Variants in MTMR9 observed in about 807,000 individuals in gnomAD.
MTMR9 encodes the protein myotubularin related protein 9.
A neutral mutation model predicts 69.5 loss-of-function variants in MTMR9; 39 were observed. That is an observed-to-expected ratio of 0.56 (90% confidence interval 0.43 to 0.73). The LOEUF (loss-of-function observed/expected upper bound fraction) is 0.73, where lower values mean the gene tolerates loss of function less well. Ranked by LOEUF, MTMR9 falls within the 30% of genes least tolerant of loss-of-function variation. The pLI is 0.00. For missense variants in MTMR9, 900 were observed against 671.2 expected (o/e 1.34, Z -3.77); for synonymous variants, 354 against 240.8 (o/e 1.47, Z -4.35).
At position 11,284,847 on chromosome 8, in the gene MTMR9, C is replaced by T; in HGVS notation, c.-42C>T. 4 of 1,551,462 alleles carry T rather than the reference C, an allele frequency of 2.6e-6. No individual in the cohort carries two copies. Among genetic ancestry groups the T allele is most frequent in the Non-Finnish European group, 2.6e-6 (3 of 1,146,354 alleles). On this transcript the variant is annotated 5_prime_UTR_variant, in exon 1 of 10. Transcript: ENST00000221086. ...TCCCTGCGGCGGGGTAACCGCCTCG[C>T]ACCTACCGGGCTCGGTTCCCTGGCT...
the MTMR9 span, among the ~76,000 whole-genome samples, chr8:11,335,509 C>G: frequency 6.6e-6 from 1 of 152,156 alleles, no homozygotes; most frequent in Admixed American, 6.5e-5. Flanking sequence ...GATCTAGATT[C>G]CATGCAATCT....
intron 9 of MTMR9, chr8:11,321,337 C>T (rs188965789): frequency 5.1e-5 from 23 of 449,486 alleles, no homozygotes; most frequent in East Asian, 3.5e-4. Flanking sequence ...ATCTCTTAAA[C>T]GAGAGGTTAC....
chr8:11,330,219 G>A (rs1188734265), downstream of MTMR9, among the ~76,000 whole-genome samples: 1 of 151,200 alleles, frequency 6.6e-6, no homozygotes, highest in Non-Finnish European at 1.5e-5. Context: ...CCGCGGCCTG[G>A]CCAGCCGCCC....
intron 2 of MTMR9, 139 bp from the exon 3 acceptor site, chr8:11,299,884 G>C (rs1799691437): frequency 7.0e-6 from 7 of 997,964 alleles, no homozygotes; most frequent in Non-Finnish European, 1.0e-5. Flanking sequence ...ATTGTATCTG[G>C]TGATAAACAC....
downstream of MTMR9, chr8:11,331,910 A>C (rs559115812): frequency 1.2e-6 from 2 of 1,611,798 alleles, no homozygotes; most frequent in Non-Finnish European, 1.7e-6. Context: ...TCTCCTTCAC[A>C]TGTGTGGGCT....
intron 2 of MTMR9, chr8:11,297,959 G>C (rs1799617923): frequency 4.4e-6 from 2 of 456,080 alleles, no homozygotes; most frequent in South Asian, 3.1e-5. Flanking sequence ...TTTGTGAGTA[G>C]TAATTGAATT....
chr8:11,298,425 A>G (rs867985546), intron 2 of MTMR9, among the ~76,000 whole-genome samples: 7 of 152,242 alleles, frequency 4.6e-5, no homozygotes, highest in South Asian at 2.1e-4. Context: ...TTATACAGCC[A>G]TGCTTCTCTA....
At chr8:11,319,989 C>G (rs1800605900) in intron 9 of MTMR9, 151 bp downstream of exon 9, 1 of 643,140 alleles carries the variant, frequency 1.6e-6, no homozygotes, top group Non-Finnish European at 2.4e-6. Context: ...GCATGTTTTT[C>G]TCTTTCAAAT....
chr8:11,297,824 T>G (rs114297183), intron 2 of MTMR9: 544 of 455,244 alleles, frequency 1.2e-3, no homozygotes, highest in African/African-American at 0.01. Flanking sequence ...CCTCAGAAAA[T>G]GAATGCTCTG....
intron 9 of MTMR9, among the ~76,000 whole-genome samples, chr8:11,322,423 C>T (rs548327481): frequency 6.6e-6 from 1 of 152,260 alleles, no homozygotes; most frequent in East Asian, 1.9e-4. Context: ...GTAGTGACTT[C>T]TCAAATATTG....
Position 11,297,643 on chromosome 8 carries a change from C to G in MTMR9, c.291+2341C>G, listed in dbSNP as rs372803121. Among the ~76,000 whole-genome samples the G allele has an allele frequency of 9.9e-5, 15 of 151,832 alleles. 1 individual carries two copies. The East Asian group carries it at 1.9e-3, about 20-fold the overall frequency. ...GACTGGCTGGTTGGTGTCAGAGATG[C>G]TGCCTGTGGTGAGGCACAGTGGTGA... is the stretch of plus-strand genomic sequence containing the variant. On this transcript the variant is annotated intron_variant, in intron 2 of 9. Transcript: ENST00000221086.
At chr8:11,286,379 AGTGGGCCCGGCACG>A in intron 1 of MTMR9, among the ~76,000 whole-genome samples, 1 of 151,630 alleles carries the variant, frequency 6.6e-6, no homozygotes, top group South Asian at 2.1e-4. Context: ...TAAAGTCTTC[AGTGGGCCCGGCACG>A]GTGGCTCACG....
chr8:11,335,147 G>A, the MTMR9 span, among the ~76,000 whole-genome samples: 9 of 152,190 alleles, frequency 5.9e-5, no homozygotes, highest in Non-Finnish European at 1.2e-4. Context: ...GTTCACAGAT[G>A]ATATGATTTT....
At chr8:11,311,365 T>A (rs1800190596) in intron 6 of MTMR9, among the ~76,000 whole-genome samples, 1 of 152,218 alleles carries the variant, frequency 6.6e-6, no homozygotes, top group Non-Finnish European at 1.5e-5. Flanking sequence ...TTGCAGTTCA[T>A]CACTTAATAG....
chr8:11,308,634 T>C (rs967303277), intron 5 of MTMR9, among the ~76,000 whole-genome samples: 1 of 152,232 alleles, frequency 6.6e-6, no homozygotes, highest in African/African-American at 2.4e-5. Flanking sequence ...TTTGTTAATG[T>C]GTAATTGTTC....
intron 1 of MTMR9, among the ~76,000 whole-genome samples, chr8:11,290,982 T>C (rs1359675179): frequency 6.6e-6 from 1 of 151,408 alleles, no homozygotes; most frequent in Non-Finnish European, 1.5e-5. Flanking sequence ...AATTGAAGAC[T>C]CAAAGGCAGT....
intron 5 of MTMR9, among the ~76,000 whole-genome samples, chr8:11,308,163 T>C (rs893377709): frequency 2.6e-5 from 4 of 152,230 alleles, no homozygotes; most frequent in Non-Finnish European, 5.9e-5. Flanking sequence ...CTAATGATTT[T>C]TACAGTTTCA....
At position 11,316,797 on chromosome 8, in the gene MTMR9, G is replaced by T. The variant is rs149021500; in HGVS notation, c.1238G>T (p.Cys413Phe). The T allele has an allele frequency of 3.1e-6, 5 of 1,613,716 alleles. No homozygotes were observed. The highest frequency in any genetic ancestry group is 4.2e-6 in the Non-Finnish European group (5 of 1,179,952). ...CVWQILRQFP[C>F]SFEFNENFLI... ...TGGCAGATCCTTCGTCAGTTTCCCT[G>T]TTCTTTTGAGTTTAATGAGAATTTC... The change falls in exon 8 of 10, where the codon TGT becomes TTT. Residue 413 changes from cysteine to phenylalanine, a missense_variant. Transcript: ENST00000221086.
the MTMR9 span, among the ~76,000 whole-genome samples, chr8:11,333,527 A>C: frequency 3.3e-5 from 5 of 152,194 alleles, no homozygotes; most frequent in African/African-American, 1.2e-4. Flanking sequence ...AGTGAGATGA[A>C]AGAACACTAG....
Sources: gnomAD v4.1 joint callset for allele counts (sites outside exome capture counted in the v4.1 genomes callset) on GRCh38, gnomAD v4.1.1 for gene constraint, MANE v1.5 for transcripts, NCBI Gene and HGNC (gene_info 2026-07-23, HGNC 2026-07-21) for gene names.